Variants in GRM5 observed in about 807,000 individuals in gnomAD.
GRM5 encodes glutamate metabotropic receptor 5.
In GRM5, 19 loss-of-function variants were observed where a neutral mutation model predicts 83.1. That is an observed-to-expected ratio of 0.23 (90% CI 0.16 to 0.34). GRM5 has a LOEUF of 0.34. GRM5 is among the 10% of genes least tolerant of loss of function. The pLI is 1.00. For synonymous variants in GRM5, 675 were observed against 633.6 expected (o/e 1.07, Z -0.98); for missense variants, 1,160 against 1,588.3 (o/e 0.73, Z 4.58).
chr11:88,896,542 G>A (rs577156183), intron 2 of GRM5, among the ~76,000 whole-genome samples: 2 of 151,862 alleles, frequency 1.3e-5, no homozygotes, highest in East Asian at 3.9e-4. Flanking sequence ...TTTATTGTAA[G>A]GCATTTGCTT....
intron 3 of GRM5, among the ~76,000 whole-genome samples, chr11:88,777,624 G>C (rs114820901): frequency 6.0e-4 from 91 of 152,254 alleles, no homozygotes; most frequent in African/African-American, 1.9e-3. Context: ...GTTTGGTGTA[G>C]ATTACCTTTT....
In GRM5 at chr11:88,735,320, C is replaced by G. The variant is rs148341914; in HGVS notation, c.912-81917G>C. 4.9e-4 allele frequency among the ~76,000 whole-genome samples: 74 copies of G among 152,074 alleles called. 1 individual carries two copies. In the East Asian group the frequency reaches 0.013, roughly 26 times the overall value. On this transcript the variant is annotated intron_variant, in intron 3 of 9. Coordinates refer to ENST00000305447, the MANE Select transcript of GRM5 (RefSeq NM_001143831.3). Reference sequence around the variant, plus strand: ...ATTTTGTCTAAAAATGTAGCTTTGCCAACATTCATTTTGCTGAAAAATGAA... The same window carrying G: ...ATTTTGTCTAAAAATGTAGCTTTGCGAACATTCATTTTGCTGAAAAATGAA...
At position 88,567,601 on chromosome 11, in the gene GRM5, T is replaced by C. The variant is rs902306886; in HGVS notation, c.2082A>G (p.Leu694=). 6.2e-7 allele frequency: 1 copy of C among 1,614,118 alleles called. No homozygotes were observed. Among genetic ancestry groups the C allele is most frequent in the Non-Finnish European group, 8.5e-7 (1 of 1,179,984 alleles). The change falls in exon 8 of 10, where the codon CTA becomes CTG. Residue 694 remains leucine, a synonymous_variant. Transcript: ENST00000305447. The surrounding 1 kb of genome is among the most constrained non-coding windows in gnomAD (Gnocchi z 7.3). The part of the protein sequence containing the change: ...KPRFMSACAQ[L]VIAFILICIQ... ...TGCATATGAGAATGAAAGCAATCAC[T>C]AGCTGGGCACAGGCACTCATGAATC... is the stretch of plus-strand genomic sequence containing the variant.
intron 3 of GRM5, among the ~76,000 whole-genome samples, chr11:88,780,951 G>C (rs1942962493): frequency 6.6e-6 from 1 of 151,708 alleles, no homozygotes; most frequent in Admixed American, 6.6e-5. Context: ...CATTTCTGTA[G>C]TCATTAAACA....
At chr11:88,686,569 C>G (rs1401981119) in intron 3 of GRM5, among the ~76,000 whole-genome samples, 1 of 152,042 alleles carries the variant, frequency 6.6e-6, no homozygotes, top group East Asian at 1.9e-4. Flanking sequence ...TGTGTCTCCA[C>G]CCAAATCTCA....
At chr11:88,720,803 T>TGTGTGTGTGTGTGTGC (rs1404129613) in intron 3 of GRM5, among the ~76,000 whole-genome samples, 354 of 129,882 alleles carry the variant, frequency 2.7e-3, no homozygotes, top group African/African-American at 0.01. Flanking sequence ...ACTCTGTGTG[T>TGTGTGTGTGTGTGTGC]GTGTGTGTGT....
chr11:88,594,475 G>A (rs1408677051), intron 6 of GRM5, among the ~76,000 whole-genome samples: 1 of 152,186 alleles, frequency 6.6e-6, no homozygotes, highest in African/African-American at 2.4e-5. Context: ...ATAAACAAAT[G>A]AGCGTGGCTG....
chr11:88,627,442 G>A (rs1357943425), intron 4 of GRM5, among the ~76,000 whole-genome samples: 1 of 152,140 alleles, frequency 6.6e-6, no homozygotes, highest in Non-Finnish European at 1.5e-5. Flanking sequence ...GCACATTAGG[G>A]ATAGTTTCTA....
intron 2 of GRM5, among the ~76,000 whole-genome samples, chr11:89,037,905 T>C (rs565720390): frequency 4.8e-4 from 73 of 152,168 alleles, no homozygotes; most frequent in Non-Finnish European, 8.7e-4. Context: ...ACAGAAGAAA[T>C]ATATTTTAAA....
At chr11:88,816,842 TA>T (rs146599571) in intron 3 of GRM5, among the ~76,000 whole-genome samples, 2 of 150,990 alleles carry the variant, frequency 1.3e-5, no homozygotes, top group African/African-American at 2.4e-5. Flanking sequence ...AAATGGATCA[TA>T]AAAAAACAGT....
At chr11:88,744,482 G>A (rs545110853) in intron 3 of GRM5, among the ~76,000 whole-genome samples, 6 of 152,232 alleles carry the variant, frequency 3.9e-5, no homozygotes, top group Admixed American at 1.3e-4. Flanking sequence ...CAGGAGTGGG[G>A]AATGGAAGAG....
intron 5 of GRM5, among the ~76,000 whole-genome samples, chr11:88,602,177 CTT>C (rs1938018321): frequency 6.6e-6 from 1 of 151,734 alleles, no homozygotes; most frequent in Non-Finnish European, 1.5e-5. Flanking sequence ...TATTTATAGT[CTT>C]GTTTATCACA....
chr11:88,908,960 A>G (rs1256981106), intron 2 of GRM5, among the ~76,000 whole-genome samples: 2 of 152,148 alleles, frequency 1.3e-5, no homozygotes, highest in African/African-American at 4.8e-5. Context: ...TCTGATGGTC[A>G]GAAACCCTAA....
intron 2 of GRM5, among the ~76,000 whole-genome samples, chr11:88,902,838 C>T (rs1565284840): frequency 6.7e-6 from 1 of 149,808 alleles, no homozygotes; most frequent in Non-Finnish European, 1.5e-5. Flanking sequence ...GTGGTACCAG[C>T]TACTAGGGAG....
At chr11:88,993,123 G>T (rs985286182) in intron 2 of GRM5, among the ~76,000 whole-genome samples, 1 of 151,602 alleles carries the variant, frequency 6.6e-6, no homozygotes, top group Non-Finnish European at 1.5e-5. Flanking sequence ...AAAATTAGCT[G>T]GGCATCCTGG....
At chr11:88,890,869 T>C (rs926227747) in intron 2 of GRM5, among the ~76,000 whole-genome samples, 1 of 152,114 alleles carries the variant, frequency 6.6e-6, no homozygotes, top group Non-Finnish European at 1.5e-5. Flanking sequence ...GTATTTGAGA[T>C]CACTGAACAG....
chr11:88,790,022 C>T (rs1369675598), intron 3 of GRM5, among the ~76,000 whole-genome samples: 1 of 152,066 alleles, frequency 6.6e-6, no homozygotes, highest in Non-Finnish European at 1.5e-5. Flanking sequence ...CAACACCACG[C>T]CTGGCAAATT....
chr11:88,729,821 A>G (rs1941767489), intron 3 of GRM5, among the ~76,000 whole-genome samples: 1 of 152,232 alleles, frequency 6.6e-6, no homozygotes, highest in East Asian at 1.9e-4. Context: ...AAAACTGGCT[A>G]GCCATATGTA....
intron 4 of GRM5, among the ~76,000 whole-genome samples, chr11:88,641,713 C>A (rs1939298935): frequency 6.6e-6 from 1 of 152,192 alleles, no homozygotes; most frequent in South Asian, 2.1e-4. Flanking sequence ...TCTTAAAGCT[C>A]CAAAATAATC....
Sources: gnomAD v4.1 joint callset for allele counts (sites outside exome capture counted in the v4.1 genomes callset) on GRCh38, gnomAD v4.1.1 for gene constraint, Gnocchi (gnomAD v3.1) non-coding constraint, MANE v1.5 for transcripts, NCBI Gene and HGNC (gene_info 2026-07-23, HGNC 2026-07-21) for gene names.